The following SLC4A4 variants were observed in gnomAD, a reference collection of about 807,000 sequenced individuals.
SLC4A4 encodes electrogenic sodium bicarbonate cotransporter 1.
In SLC4A4, 27 loss-of-function variants were observed where a neutral mutation model predicts 111.5. The ratio of observed to expected loss-of-function variants is 0.24; its 90% CI spans 0.18 to 0.33. SLC4A4 has a LOEUF of 0.33. SLC4A4 is among the 10% of genes least tolerant of loss of function. SLC4A4 has a pLI of 1.00. For synonymous variants in SLC4A4, 443 were observed against 463.4 expected (o/e 0.96, Z 0.57); for missense variants, 909 against 1,315.5 (o/e 0.69, Z 4.78).
chr4:71,181,915 T>C (rs1745305924), intron 2 of SLC4A4, among the ~76,000 whole-genome samples: 1 of 152,176 alleles, frequency 6.6e-6, no homozygotes, highest in Non-Finnish European at 1.5e-5. Context: ...TGTCTTCCTT[T>C]TGAGGTGAAA....
chr4:71,399,622 A>G (rs1720173579), intron 7 of SLC4A4, among the ~76,000 whole-genome samples: 2 of 151,442 alleles, frequency 1.3e-5, no homozygotes, highest in South Asian at 4.2e-4. Flanking sequence ...CTTTTTACAT[A>G]GTTGCCCTCA....
intron 1 of SLC4A4, among the ~76,000 whole-genome samples, chr4:71,233,617 T>TA (rs536966565): frequency 2.3e-3 from 347 of 152,312 alleles, no homozygotes; most frequent in Non-Finnish European, 3.1e-3. Context: ...TCCTAATTTT[T>TA]ATCTCTAATC....
intron 3 of SLC4A4, among the ~76,000 whole-genome samples, chr4:71,333,619 G>A (rs186811116): frequency 9.3e-4 from 141 of 152,336 alleles, no homozygotes; most frequent in African/African-American, 3.2e-3. Context: ...CTTCCCTTCA[G>A]GGCAGTGAGC....
At chr4:71,339,222 G>A in intron 3 of SLC4A4, 148 bp from the exon 4 acceptor site, 6 of 1,614,166 alleles carry the variant, frequency 3.7e-6, no homozygotes, top group Non-Finnish European at 5.1e-6. Flanking sequence ...GCTTTAGATT[G>A]GGGATTTGGG....
At chr4:71,177,917 A>G (rs1745150675) in intron 2 of SLC4A4, among the ~76,000 whole-genome samples, 1 of 152,204 alleles carries the variant, frequency 6.6e-6, no homozygotes, top group South Asian at 2.1e-4. Flanking sequence ...AAAACTGACC[A>G]CATAGTTGGA....
At chr4:71,089,727 C>A (rs1208803485) in intron 1 of SLC4A4, among the ~76,000 whole-genome samples, 2 of 151,942 alleles carry the variant, frequency 1.3e-5, no homozygotes, top group African/African-American at 4.8e-5. Flanking sequence ...TGGTGAAGAG[C>A]AAATGTTGCT....
chr4:71,350,945 C>A lies in SLC4A4; in HGVS notation c.550+873C>A, dbSNP rs78973889. Among the ~76,000 whole-genome samples the A allele has an allele frequency of 1.6e-3, 241 of 152,170 alleles. 2 individuals are homozygous for A. The highest frequency in any genetic ancestry group is 5.7e-3 in the African/African-American group (238 of 41,516). ...TTCCTAGGAATAAGAAGTGGAGCCCCTGCACTTCTTTTTAAGAAAAAACAT... is the reference window on the plus strand; with the variant it reads ...TTCCTAGGAATAAGAAGTGGAGCCCATGCACTTCTTTTTAAGAAAAAACAT... On this transcript the variant is annotated intron_variant, in intron 5 of 25. Coordinates refer to ENST00000264485, the MANE Select transcript of SLC4A4 (RefSeq NM_001098484.3).
At chr4:71,129,573 T>C (rs1049954773) in intron 2 of SLC4A4, among the ~76,000 whole-genome samples, 2 of 152,098 alleles carry the variant, frequency 1.3e-5, no homozygotes, top group African/African-American at 4.8e-5. Flanking sequence ...CTTAAAGAAC[T>C]CAAAATGGCA....
chr4:71,565,757 G>A (rs936229824), intron 24 of SLC4A4, among the ~76,000 whole-genome samples: 1 of 151,740 alleles, frequency 6.6e-6, no homozygotes, highest in Non-Finnish European at 1.5e-5. Context: ...TGACAGCATA[G>A]GTATCCACCC....
At chr4:71,345,195 A>G (rs1205286146) in intron 4 of SLC4A4, among the ~76,000 whole-genome samples, 3 of 152,168 alleles carry the variant, frequency 2.0e-5, no homozygotes, top group Non-Finnish European at 4.4e-5. Context: ...CTGTGCTTCC[A>G]TTAAGAATGT....
chr4:71,537,946 T>C (rs947990433), intron 18 of SLC4A4, among the ~76,000 whole-genome samples: 2 of 152,124 alleles, frequency 1.3e-5, no homozygotes, highest in East Asian at 3.9e-4. Flanking sequence ...GCGTGGCTGT[T>C]GTTTTTTGTA....
intron 1 of SLC4A4, among the ~76,000 whole-genome samples, chr4:71,071,639 T>A (rs1741666863): frequency 6.6e-6 from 1 of 152,154 alleles, no homozygotes; most frequent in South Asian, 2.1e-4. Context: ...TGTTTGAGCA[T>A]GTGTGTTTGT....
At chr4:71,228,349 A>C (rs1225558216) in intron 1 of SLC4A4, among the ~76,000 whole-genome samples, 1 of 152,242 alleles carries the variant, frequency 6.6e-6, no homozygotes, top group Non-Finnish European at 1.5e-5. Context: ...TGGTCTCCCC[A>C]GTCAAAAATC....
intron 3 of SLC4A4, among the ~76,000 whole-genome samples, chr4:71,304,183 T>A (rs1268461854): frequency 6.6e-6 from 1 of 152,168 alleles, no homozygotes; most frequent in Non-Finnish European, 1.5e-5. Context: ...TATGGAGATA[T>A]ACATGTGCGT....
Position 71,506,777 on chromosome 4 carries a change from T to G in SLC4A4, c.2166+9085T>G, listed in dbSNP as rs554632475. Among the ~76,000 whole-genome samples the G allele has an allele frequency of 2.0e-5, 3 of 152,092 alleles. No homozygotes were observed. The East Asian group carries it at 5.8e-4, about 29-fold the overall frequency. On this transcript the variant is annotated intron_variant, in intron 16 of 25. Coordinates refer to ENST00000264485, the MANE Select transcript of SLC4A4 (RefSeq NM_001098484.3). ...AAGATACTTCACAAGAAGGTCGTCC[T>G]CAAGACACATAATCATCAGATTCTC...
chr4:71,360,476 T>C (rs191764099), intron 6 of SLC4A4, among the ~76,000 whole-genome samples: 207 of 152,324 alleles, frequency 1.4e-3, no homozygotes, highest in Non-Finnish European at 9.8e-4. Flanking sequence ...AGAACTTTTT[T>C]TCAGTAATCA....
chr4:71,431,045 C>A (rs1400345691), intron 7 of SLC4A4, among the ~76,000 whole-genome samples: 2 of 152,112 alleles, frequency 1.3e-5, no homozygotes, highest in African/African-American at 4.8e-5. Context: ...CATCACTCAT[C>A]ATTCAACAAA....
intron 2 of SLC4A4, among the ~76,000 whole-genome samples, chr4:71,117,860 T>G (rs1280470434): frequency 6.9e-6 from 1 of 144,862 alleles, no homozygotes; most frequent in Non-Finnish European, 1.5e-5. Flanking sequence ...TATTTCTTAG[T>G]TTTAAAATAC....
Position 71,571,728 on chromosome 4 carries a change from G to C in SLC4A4, c.*3977G>C, listed in dbSNP as rs1435864903. 6.6e-6 allele frequency: 1 copy of C among 152,196 alleles called. No homozygotes were observed. The highest frequency in any genetic ancestry group is 1.5e-5 in the Non-Finnish European group (1 of 67,864). The allele number at this position is 152,196 out of a possible 1,614,324, so 9.4% of individuals were successfully genotyped here. A position where few individuals can be genotyped will look rare whatever the true frequency, so the allele number is the denominator to read the frequency against. ...TTGCCTCTTTTTAGCCATTTTCATG[G>C]CTGGTACATATTCGTACGCATTACT... On this transcript the variant is annotated 3_prime_UTR_variant, in exon 26 of 26. Coordinates refer to ENST00000264485, the MANE Select transcript of SLC4A4 (RefSeq NM_001098484.3).
Sources: gnomAD v4.1 joint callset for allele counts (sites outside exome capture counted in the v4.1 genomes callset) on GRCh38, gnomAD v4.1.1 for gene constraint, MANE v1.5 for transcripts, NCBI Gene and HGNC (gene_info 2026-07-23, HGNC 2026-07-21) for gene names.